Variants in ILDR1 observed in about 807,000 individuals in gnomAD.
The protein encoded by ILDR1 is immunoglobulin-like domain-containing receptor 1.
A neutral mutation model predicts 62.4 loss-of-function variants in ILDR1; 56 were observed. The observed-to-expected ratio is 0.90, with a 90% CI of 0.72 to 1.12. The LOEUF (loss-of-function observed/expected upper bound fraction) is 1.12, where lower values mean the gene tolerates loss of function less well. Among genes scored for constraint, ILDR1 ranks in the 50% most tolerant of loss-of-function variants. The probability of loss-of-function intolerance (pLI) is 0.00; values close to 1 mark genes in which losing one functional copy is unlikely to be tolerated. For synonymous variants in ILDR1, 284 were observed against 277.8 expected (o/e 1.02, Z -0.22); for missense variants, 736 against 710.6 (o/e 1.04, Z -0.41).
the ILDR1 span, among the ~76,000 whole-genome samples, chr3:122,045,711 G>A: frequency 3.3e-5 from 5 of 150,348 alleles, no homozygotes; most frequent in East Asian, 3.8e-4. Flanking sequence ...TTGGTTTAAC[G>A]TCTGTTTTAT....
At chr3:122,042,767 T>G in the ILDR1 span, among the ~76,000 whole-genome samples, 22 of 152,050 alleles carry the variant, frequency 1.4e-4, no homozygotes, top group African/African-American at 5.3e-4. Flanking sequence ...GGGTTGTTTG[T>G]TTTTTTCTTG....
At chr3:122,056,528 T>G in the ILDR1 span, among the ~76,000 whole-genome samples, 1 of 152,008 alleles carries the variant, frequency 6.6e-6, no homozygotes, top group Non-Finnish European at 1.5e-5. Context: ...AGAGACGGGG[T>G]CCACCATGTT....
chr3:122,018,527 T>C (rs2071811094), intron 1 of ILDR1, among the ~76,000 whole-genome samples: 1 of 152,048 alleles, frequency 6.6e-6, no homozygotes, highest in Admixed American at 6.6e-5. Flanking sequence ...TGTAACCCAG[T>C]ATAATTAAAA....
chr3:122,043,524 G>A, the ILDR1 span, among the ~76,000 whole-genome samples: 2 of 132,350 alleles, frequency 1.5e-5, no homozygotes, highest in African/African-American at 5.9e-5. Flanking sequence ...CCATTTTCAC[G>A]ATATTGATTC....
chr3:122,010,239 G>C (rs143176863), intron 1 of ILDR1, among the ~76,000 whole-genome samples: 2 of 152,146 alleles, frequency 1.3e-5, no homozygotes, highest in Admixed American at 1.3e-4. Context: ...TAAATAAGGC[G>C]GGGCTGGTGG....
At chr3:122,010,076 C>T (rs536910369) in intron 1 of ILDR1, among the ~76,000 whole-genome samples, 15 of 152,222 alleles carry the variant, frequency 9.9e-5, no homozygotes, top group Admixed American at 2.6e-4. Flanking sequence ...ACTAAGATCA[C>T]GCATGAGAAG....
rs1403349258 is a variant in ILDR1 at position 122,005,248 on chromosome 3, C to T, written c.375G>A (p.Gln125=). 7.6e-7 allele frequency: 1 copy of T among 1,308,468 alleles called. No homozygotes were observed. Among genetic ancestry groups the T allele is most frequent in the Non-Finnish European group, 1.1e-6 (1 of 950,246 alleles). 81.1% of individuals were successfully genotyped at this position (1,308,468 alleles called of 1,614,324 possible). ...TGACACCTCCCCCGCACTCACGGTT[C>T]TGGATGGTGATCTTGCGCTGCCGGT... ...VDYRQRKITI[Q]NRADLVINEV... The change falls in exon 3 of 8, where the codon CAG becomes CAA. Residue 125 remains glutamine (Q), a synonymous_variant. Transcript: ENST00000344209.
At chr3:122,037,602 G>A in the ILDR1 span, among the ~76,000 whole-genome samples, 105 of 152,290 alleles carry the variant, frequency 6.9e-4, no homozygotes, top group Non-Finnish European at 8.7e-4. Flanking sequence ...TTACAGGCTC[G>A]TAGACAGAAA....
chr3:122,037,362 C>A, the ILDR1 span, among the ~76,000 whole-genome samples: 3 of 152,246 alleles, frequency 2.0e-5, no homozygotes, highest in Non-Finnish European at 4.4e-5. Flanking sequence ...TGGAGCCACC[C>A]AAGGCTGTGG....
chr3:122,036,795 TC>T, the ILDR1 span, among the ~76,000 whole-genome samples: 1 of 152,168 alleles, frequency 6.6e-6, no homozygotes, highest in Admixed American at 6.5e-5. Flanking sequence ...TAGCAGCCAC[TC>T]CCATCACAGG....
intron 7 of ILDR1, among the ~76,000 whole-genome samples, chr3:121,991,069 A>G (rs149956348): frequency 1.8e-3 from 270 of 152,302 alleles, no homozygotes; most frequent in African/African-American, 6.1e-3. Flanking sequence ...GTGTGCTGGC[A>G]TATGCCTGTA....
At chr3:122,011,677 T>TTCA (rs139879742) in intron 1 of ILDR1, among the ~76,000 whole-genome samples, 1 of 133,138 alleles carries the variant, frequency 7.5e-6, no homozygotes, top group Non-Finnish European at 1.6e-5. Context: ...TCTCTCTCTT[T>TTCA]CACACACACA....
rs547904996 is a variant in ILDR1 at position 122,013,040 on chromosome 3, C to T, written c.59-5879G>A. Among the ~76,000 whole-genome samples the T allele has an allele frequency of 1.7e-3, 262 of 152,222 alleles. 2 individuals carry two copies. The highest frequency in any genetic ancestry group is 2.4e-3 in the Non-Finnish European group (166 of 68,012). On this transcript the variant is annotated intron_variant, in intron 1 of 7. Transcript: ENST00000344209. ...AAGGGGAAGGGGATTCTCTGATTCC[C>T]GCCATCAGGTACTTTCCAAGGCCAG...
Position 122,001,861 on chromosome 3 carries a change from G to C in ILDR1, c.383C>G (p.Ala128Gly), listed in dbSNP as rs779374433. The C allele has an allele frequency of 9.9e-6, 16 of 1,613,092 alleles. 1 individual carries two copies. In the South Asian group the frequency reaches 1.8e-4, roughly 18 times the overall value. The part of the protein sequence containing the change: ...RQRKITIQNR[A>G]DLVINEVMWW... Reference sequence around the variant, plus strand: ...CATCACTTCATTTATCACGAGATCTGCTCCTACACAGTAAGGAGGGAGAAA... The same window carrying C: ...CATCACTTCATTTATCACGAGATCTCCTCCTACACAGTAAGGAGGGAGAAA... The change falls in exon 4 of 8, where the codon GCA (alanine) becomes GGA (glycine). Residue 128 changes from alanine to glycine, a missense_variant. Physicochemically the swap from Ala to Gly is moderately conservative, Grantham distance 60. Coordinates refer to ENST00000344209, the MANE Select transcript of ILDR1 (RefSeq NM_001199799.2).
chr3:122,030,623 T>TCTCTCTCTCTCTCTC, the ILDR1 span, among the ~76,000 whole-genome samples: 1 of 147,526 alleles, frequency 6.8e-6, no homozygotes, highest in African/African-American at 2.5e-5. Flanking sequence ...GCAAGGGTTT[T>TCTCTCTCTCTCTCTC]TCTCTCTCTC....
rs181845949 is a variant in ILDR1 at position 122,016,826 on chromosome 3, C to A, written c.58+5194G>T. Among the ~76,000 whole-genome samples the A allele has an allele frequency of 5.4e-3, 816 of 152,204 alleles. 14 individuals are homozygous for A. The highest frequency in any genetic ancestry group is 3.6e-3 in the Non-Finnish European group (244 of 68,004). The stretch of plus-strand genomic sequence containing the variant: ...TAGACAGAAGTAGCAGGACTAGAGG[C>A]AAGAAGATGCTTAAAGTAGGCTAGT... On this transcript the variant is annotated intron_variant, in intron 1 of 7. Transcript: ENST00000344209.
Position 121,993,590 on chromosome 3 carries a change from A to G in ILDR1, c.1159T>C (p.Ser387Pro), listed in dbSNP as rs150250182. The change falls in exon 7 of 8, where the codon TCT becomes CCT. Residue 387 changes from serine to proline, a missense_variant. Ser to Pro is a moderately conservative substitution (Grantham distance 74, BLOSUM62 -1). Coordinates refer to ENST00000344209, the MANE Select transcript of ILDR1 (RefSeq NM_001199799.2). ...HQELQDRGPK[S>P]WALERRELDP... Reference sequence around the variant, plus strand: ...AACTCCCTTCTTTCCAATGCCCAAGACTTTGGCCCCCGGTCCTGGAGCTCC... The same window carrying G: ...AACTCCCTTCTTTCCAATGCCCAAGGCTTTGGCCCCCGGTCCTGGAGCTCC... 511 of 1,614,122 alleles carry G rather than the reference A, an allele frequency of 3.2e-4. 3 individuals carry two copies. The Middle Eastern group carries it at 8.7e-3, about 28-fold the overall frequency.
chr3:122,014,497 C>A (rs997906858), intron 1 of ILDR1, among the ~76,000 whole-genome samples: 7 of 152,018 alleles, frequency 4.6e-5, no homozygotes, highest in Non-Finnish European at 7.4e-5. Context: ...TACACATTTT[C>A]CAAATTATGG....
At chr3:122,003,325 C>T (rs995704815) in intron 3 of ILDR1, among the ~76,000 whole-genome samples, 3 of 152,164 alleles carry the variant, frequency 2.0e-5, no homozygotes, top group African/African-American at 7.2e-5. Context: ...CTTCTGTTTC[C>T]TTCTCTTTCT....
Sources: gnomAD v4.1 joint callset for allele counts (sites outside exome capture counted in the v4.1 genomes callset) on GRCh38, gnomAD v4.1.1 for gene constraint, MANE v1.5 for transcripts, NCBI Gene and HGNC (gene_info 2026-07-23, HGNC 2026-07-21) for gene names.